PDE11A: variants seen among roughly 807,000 people sequenced by gnomAD.
PDE11A encodes the protein phosphodiesterase 11A, also known as dual 3',5'-cyclic-AMP and -GMP phosphodiesterase 11A.
In PDE11A, 100 loss-of-function variants were observed where a neutral mutation model predicts 100.5. The ratio of observed to expected loss-of-function variants is 1.00; its 90% CI spans 0.85 to 1.18. The LOEUF is 1.18. Ranked by LOEUF, PDE11A falls within the 50% of genes most tolerant of loss-of-function variation. The probability of loss-of-function intolerance (pLI) is 0.00; values close to 1 mark genes in which losing one functional copy is unlikely to be tolerated. For missense variants in PDE11A, 1,141 were observed against 1,152.6 expected, an observed-to-expected ratio of 0.99 and a Z score of 0.15; for synonymous variants, 381 against 420.8, an observed-to-expected ratio of 0.91 and a Z score of 1.16.
At chr2:178,066,835 G>A (rs906010302) in intron 1 of PDE11A, among the ~76,000 whole-genome samples, 13 of 152,190 alleles carry the variant, frequency 8.5e-5, no homozygotes, top group African/African-American at 3.1e-4. Context: ...CCTAGAGGTT[G>A]CAATCCCTTC....
intron 2 of PDE11A, among the ~76,000 whole-genome samples, chr2:177,980,931 G>A (rs1162330240): frequency 6.8e-6 from 1 of 147,562 alleles, no homozygotes; most frequent in Non-Finnish European, 1.5e-5. Context: ...GAGACATGAG[G>A]GTGGTGTGAA....
chr2:177,829,601 T>G (rs9808095), intron 6 of PDE11A, among the ~76,000 whole-genome samples: 143,949 of 149,888 alleles, frequency 0.96, 69,396 homozygotes, highest in Middle Eastern at 1. Context: ...GTGCCACCAC[T>G]CCTGGCTAAT....
intron 11 of PDE11A, 57 bp downstream of exon 11, chr2:177,727,969 G>A: frequency 6.7e-7 from 1 of 1,485,294 alleles, no homozygotes; most frequent in Admixed American, 1.7e-5. Flanking sequence ...GTGGTTCAGA[G>A]TGGCTAACAC....
chr2:177,740,361 G>A (rs887267471), intron 10 of PDE11A, among the ~76,000 whole-genome samples: 2 of 152,316 alleles, frequency 1.3e-5, no homozygotes, highest in East Asian at 3.9e-4. Flanking sequence ...TTTTGTTAGT[G>A]CTGGGTGGAA....
At chr2:178,063,655 T>C (rs1281041748) in intron 1 of PDE11A, among the ~76,000 whole-genome samples, 1 of 152,176 alleles carries the variant, frequency 6.6e-6, no homozygotes, top group Non-Finnish European at 1.5e-5. Context: ...TACCTGGCCC[T>C]GGGTGATTTA....
chr2:177,718,502 G>A (rs2081476597), intron 12 of PDE11A, among the ~76,000 whole-genome samples: 2 of 152,178 alleles, frequency 1.3e-5, no homozygotes. Flanking sequence ...GATTGATACT[G>A]CAGAGCCATT....
At chr2:178,055,842 A>G (rs2086893414) in intron 1 of PDE11A, among the ~76,000 whole-genome samples, 1 of 152,120 alleles carries the variant, frequency 6.6e-6, no homozygotes, top group Admixed American at 6.5e-5. Flanking sequence ...CTTATAGAAA[A>G]TTTGAGAATA....
chr2:177,734,265 C>T (rs550112188), intron 10 of PDE11A, among the ~76,000 whole-genome samples: 2 of 151,968 alleles, frequency 1.3e-5, no homozygotes, highest in African/African-American at 4.8e-5. Flanking sequence ...TTGATTGTAG[C>T]TAACCCAGAA....
At chr2:177,723,915 T>C (rs147009183) in intron 12 of PDE11A, among the ~76,000 whole-genome samples, 5 of 152,282 alleles carry the variant, frequency 3.3e-5, no homozygotes, top group African/African-American at 1.2e-4. Flanking sequence ...TTCCGATATC[T>C]AGTCTACATC....
chr2:178,048,074 A>G (rs546402577), intron 1 of PDE11A, among the ~76,000 whole-genome samples: 1 of 152,314 alleles, frequency 6.6e-6, no homozygotes, highest in South Asian at 2.1e-4. Context: ...ATGGTTACAG[A>G]CAGAAGTAGA....
At chr2:177,906,690 A>G (rs1431684067) in intron 2 of PDE11A, among the ~76,000 whole-genome samples, 1 of 152,008 alleles carries the variant, frequency 6.6e-6, no homozygotes, top group Non-Finnish European at 1.5e-5. Flanking sequence ...TATTTCTGTT[A>G]CCCCCTACTC....
In PDE11A at chr2:177,995,072, T is replaced by C. The variant is rs1204586017; in HGVS notation, c.1071+19230A>G. On this transcript the variant is annotated intron_variant, in intron 2 of 19. Transcript: ENST00000286063. ...TTCTGCTCAGCTGTGAGTTTACAAA[T>C]ATGCTTATAAGGAGGAAAAGTGGAA... is the stretch of plus-strand genomic sequence containing the variant. 5.3e-5 allele frequency among the ~76,000 whole-genome samples: 8 copies of C among 152,284 alleles called. No homozygotes were observed. In the East Asian group the frequency reaches 1.5e-3, roughly 29 times the overall value.
intron 6 of PDE11A, among the ~76,000 whole-genome samples, chr2:177,829,565 T>C (rs1382288438): frequency 6.6e-6 from 1 of 151,580 alleles, no homozygotes; most frequent in South Asian, 2.1e-4. Flanking sequence ...TGCCTCAGCC[T>C]CCTGAGTAGT....
chr2:177,927,326 G>A (rs913437667), intron 2 of PDE11A, among the ~76,000 whole-genome samples: 1 of 152,162 alleles, frequency 6.6e-6, no homozygotes, highest in Non-Finnish European at 1.5e-5. Flanking sequence ...CCTGCCACTT[G>A]TCGTACTTAT....
At chr2:177,672,675 C>T (rs750660603) in intron 17 of PDE11A, among the ~76,000 whole-genome samples, 7 of 152,052 alleles carry the variant, frequency 4.6e-5, no homozygotes, top group Non-Finnish European at 8.8e-5. Flanking sequence ...GTGATGATTG[C>T]CATTGACTGT....
chr2:177,973,136 C>T (rs12612301), intron 2 of PDE11A, among the ~76,000 whole-genome samples: 1 of 151,034 alleles, frequency 6.6e-6, no homozygotes, highest in East Asian at 2.0e-4. Flanking sequence ...GCGTGAGCGA[C>T]GCAGAAGACG....
chr2:177,756,918 C>G (rs147374841), intron 10 of PDE11A, among the ~76,000 whole-genome samples: 5 of 152,278 alleles, frequency 3.3e-5, no homozygotes, highest in African/African-American at 1.2e-4. Context: ...ACCCATCTAT[C>G]GAGAAAGTAA....
At chr2:178,002,152 A>G (rs2086152760) in intron 2 of PDE11A, among the ~76,000 whole-genome samples, 1 of 152,200 alleles carries the variant, frequency 6.6e-6, no homozygotes, top group Non-Finnish European at 1.5e-5. Context: ...CCCACTTAAA[A>G]GTGAAAACAT....
At chr2:177,933,226 C>T (rs552646906) in intron 2 of PDE11A, among the ~76,000 whole-genome samples, 50 of 152,226 alleles carry the variant, frequency 3.3e-4, no homozygotes, top group Non-Finnish European at 5.6e-4. Flanking sequence ...TTGGAATAAT[C>T]AATATCATTA....
Sources: gnomAD v4.1 joint callset for allele counts (sites outside exome capture counted in the v4.1 genomes callset) on GRCh38, gnomAD v4.1.1 for gene constraint, MANE v1.5 for transcripts, NCBI Gene and HGNC (gene_info 2026-07-23, HGNC 2026-07-21) for gene names.